KCNMB2: variants seen among roughly 807,000 people sequenced by gnomAD.
KCNMB2 encodes the protein potassium calcium-activated channel subfamily M regulatory beta subunit 2, also known as calcium-activated potassium channel subunit beta-2.
A neutral mutation model predicts 24.5 loss-of-function variants in KCNMB2; 9 were observed. That is an observed-to-expected ratio of 0.37 (90% CI 0.22 to 0.64). The LOEUF (loss-of-function observed/expected upper bound fraction) is 0.64, where lower values mean the gene tolerates loss of function less well. KCNMB2 is among the 30% of genes least tolerant of loss of function. The pLI is 0.63. For synonymous variants in KCNMB2, 109 were observed against 104.4 expected, an observed-to-expected ratio of 1.04 and a Z score of -0.27; for missense variants, 226 against 284.3, an observed-to-expected ratio of 0.79 and a Z score of 1.47.
chr3:178,823,710 G>A (rs1425546845), intron 2 of KCNMB2, among the ~76,000 whole-genome samples: 1 of 152,110 alleles, frequency 6.6e-6, no homozygotes, highest in African/African-American at 2.4e-5. Context: ...ACACCAGTCA[G>A]GCCATCCTGG....
chr3:178,691,493 G>A lies in KCNMB2; in HGVS notation c.-67-115850G>A, dbSNP rs563530014. Among the ~76,000 whole-genome samples, 24 of 152,082 alleles carry A rather than the reference G, an allele frequency of 1.6e-4. No homozygotes were observed. In the South Asian group the frequency reaches 4.8e-3, roughly 30 times the overall value. On this transcript the variant is annotated intron_variant, in intron 1 of 4. Coordinates refer to ENST00000452583, the MANE Select transcript of KCNMB2 (RefSeq NM_181361.3). ...TCATTATTTAGCTCCCACTTAATAA[G>A]TGAAAACATGTGGTATTTGGTTTCC...
At chr3:178,593,648 T>C (rs1202679742) in intron 1 of KCNMB2, among the ~76,000 whole-genome samples, 1 of 151,880 alleles carries the variant, frequency 6.6e-6, no homozygotes, top group Admixed American at 6.6e-5. Context: ...TAATATGGCA[T>C]GTTCCACTTC....
At chr3:178,800,757 C>G (rs1406012898) in intron 1 of KCNMB2, among the ~76,000 whole-genome samples, 1 of 151,994 alleles carries the variant, frequency 6.6e-6, no homozygotes, top group Non-Finnish European at 1.5e-5. Flanking sequence ...TCACAATAGC[C>G]AAGATTTGGA....
chr3:178,661,338 T>A (rs1720522981), intron 1 of KCNMB2, among the ~76,000 whole-genome samples: 1 of 152,196 alleles, frequency 6.6e-6, no homozygotes, highest in Non-Finnish European at 1.5e-5. Flanking sequence ...TATGGCTGCA[T>A]AGTATTTCAT....
chr3:178,549,444 G>A (rs1715874482), intron 1 of KCNMB2, among the ~76,000 whole-genome samples: 1 of 149,282 alleles, frequency 6.7e-6, no homozygotes, highest in Non-Finnish European at 1.5e-5. Context: ...CCAAGTAGCT[G>A]GGATTACAGG....
At chr3:178,565,159 GT>G (rs1716473836) in intron 1 of KCNMB2, among the ~76,000 whole-genome samples, 1 of 152,164 alleles carries the variant, frequency 6.6e-6, no homozygotes, top group Non-Finnish European at 1.5e-5. Flanking sequence ...GTGATTAACA[GT>G]AGTTACATCT....
At chr3:178,642,033 G>T (rs1194000488) in intron 1 of KCNMB2, among the ~76,000 whole-genome samples, 1 of 151,916 alleles carries the variant, frequency 6.6e-6, no homozygotes, top group African/African-American at 2.4e-5. Context: ...CTAGGATTTT[G>T]CCCCCAGGTA....
At chr3:178,680,701 C>T (rs1721240427) in intron 1 of KCNMB2, among the ~76,000 whole-genome samples, 1 of 152,148 alleles carries the variant, frequency 6.6e-6, no homozygotes, top group Non-Finnish European at 1.5e-5. Flanking sequence ...ACCACGCTCT[C>T]CTGGTTTTGC....
intron 1 of KCNMB2, among the ~76,000 whole-genome samples, chr3:178,614,273 A>ATGTATGTATG (rs1560131650): frequency 2.1e-5 from 2 of 94,056 alleles, no homozygotes; most frequent in East Asian, 3.1e-4. Context: ...ATATATATAT[A>ATGTATGTATG]TATATATATA....
chr3:178,842,959 T>G lies in KCNMB2; in HGVS notation c.*22T>G, dbSNP rs1715481631. 1.3e-6 allele frequency: 2 copies of G among 1,580,696 alleles called. No homozygotes were observed. The highest frequency in any genetic ancestry group is 1.8e-5 in the Admixed American group (1 of 54,992). ...ATAAATGCAAAAATGGATAAAATAA[T>G]TTTTGTTAAAGCTCAAATACTGTTT... On this transcript the variant is annotated 3_prime_UTR_variant, in exon 5 of 5. Transcript: ENST00000452583.
At chr3:178,758,419 C>A (rs1416912080) in intron 1 of KCNMB2, among the ~76,000 whole-genome samples, 6 of 18,164 alleles carry the variant, frequency 3.3e-4, no homozygotes, top group African/African-American at 4.2e-4. Flanking sequence ...TATATATATC[C>A]AAGAGGGGAT....
chr3:178,754,501 G>T (rs1252954101), intron 1 of KCNMB2, among the ~76,000 whole-genome samples: 3 of 152,060 alleles, frequency 2.0e-5, no homozygotes, highest in African/African-American at 7.2e-5. Flanking sequence ...TCCAAAGAAA[G>T]ATGCTATTAA....
intron 1 of KCNMB2, among the ~76,000 whole-genome samples, chr3:178,627,747 C>T (rs1233215467): frequency 1.3e-5 from 2 of 152,160 alleles, no homozygotes; most frequent in Non-Finnish European, 2.9e-5. Flanking sequence ...CTTGATTATG[C>T]TAATCTGATA....
intron 1 of KCNMB2, among the ~76,000 whole-genome samples, chr3:178,547,479 T>C (rs752116314): frequency 6.6e-6 from 1 of 152,302 alleles, no homozygotes; most frequent in African/African-American, 2.4e-5. Context: ...AGGACTACAG[T>C]TCCCTTTCAT....
intron 1 of KCNMB2, among the ~76,000 whole-genome samples, chr3:178,720,482 T>C (rs1480113339): frequency 1.8e-5 from 2 of 110,986 alleles, no homozygotes; most frequent in Admixed American, 1.8e-4. Flanking sequence ...TTATAGTCCT[T>C]TGGGTATATA....
intron 1 of KCNMB2, among the ~76,000 whole-genome samples, chr3:178,724,903 T>C (rs1189801439): frequency 2.0e-5 from 3 of 152,168 alleles, no homozygotes; most frequent in African/African-American, 4.8e-5. Context: ...TTGGTTACTG[T>C]AGCTTTGTAG....
At chr3:178,578,269 T>C (rs1717065413) in intron 1 of KCNMB2, among the ~76,000 whole-genome samples, 1 of 152,170 alleles carries the variant, frequency 6.6e-6, no homozygotes, top group South Asian at 2.1e-4. Context: ...TTTCATATCC[T>C]GCCAAACTAA....
intron 1 of KCNMB2, among the ~76,000 whole-genome samples, chr3:178,652,826 C>T (rs1275340395): frequency 1.4e-5 from 2 of 147,810 alleles, no homozygotes; most frequent in Non-Finnish European, 3.0e-5. Context: ...CCACGCCTGG[C>T]CATTTTTTTT....
chr3:178,651,159 C>A (rs1410606123), intron 1 of KCNMB2, among the ~76,000 whole-genome samples: 2 of 152,176 alleles, frequency 1.3e-5, no homozygotes, highest in African/African-American at 4.8e-5. Context: ...TTTGGAAAAC[C>A]CCATCGTCTC....
Sources: allele counts gnomAD v4.1 joint callset (sites outside exome capture counted in the v4.1 genomes callset), GRCh38; gene constraint gnomAD v4.1.1; transcripts MANE v1.5; gene names NCBI Gene and HGNC (gene_info 2026-07-23, HGNC 2026-07-21).